TCF7L1: variants seen among roughly 807,000 people sequenced by gnomAD.
TCF7L1 encodes transcription factor 7 like 1, also known as transcription factor 7-like 1.
A neutral mutation model predicts 63.7 loss-of-function variants in TCF7L1; 18 were observed. The ratio of observed to expected loss-of-function variants is 0.28; its 90% CI spans 0.20 to 0.42. The LOEUF is 0.42. Among genes scored for constraint, TCF7L1 ranks in the 10% least tolerant of loss-of-function variants. TCF7L1 has a pLI of 1.00. For missense variants in TCF7L1, 654 were observed against 779.3 expected (o/e 0.84, Z 1.91); for synonymous variants, 355 against 340.9 (o/e 1.04, Z -0.46).
At chr2:85,154,402 G>A (rs1011766302) in intron 3 of TCF7L1, among the ~76,000 whole-genome samples, 1 of 152,152 alleles carries the variant, frequency 6.6e-6, no homozygotes, top group African/African-American at 2.4e-5. Context: ...TAGGTAGAAC[G>A]TGCTGGGCTT....
chr2:85,147,870 C>G (rs1480728416), intron 3 of TCF7L1, among the ~76,000 whole-genome samples: 2 of 152,066 alleles, frequency 1.3e-5, no homozygotes, highest in Non-Finnish European at 1.5e-5. Flanking sequence ...TTTAAATGGG[C>G]TTACATCTGG....
chr2:85,308,457 CTCTCTT>C (rs1558663550), intron 11 of TCF7L1, among the ~76,000 whole-genome samples: 56 of 58,974 alleles, frequency 9.5e-4, no homozygotes, highest in African/African-American at 1.8e-3. Context: ...CTTTCCCTCC[CTCTCTT>C]TCCCTCCCTC....
intron 3 of TCF7L1, chr2:85,234,002 TTATGTA>T (rs1172211473): frequency 1.3e-5 from 2 of 152,158 alleles, no homozygotes; most frequent in African/African-American, 4.8e-5. Context: ...TGTGGGAAGA[TTATGTA>T]TATAACTGTT....
chr2:85,176,977 A>ACT lies in TCF7L1; in HGVS notation c.441+42530_441+42531dup, dbSNP rs1458986928. 2.2e-5 allele frequency among the ~76,000 whole-genome samples: 3 copies of ACT among 133,778 alleles called. No individual in the cohort carries two copies. The South Asian group carries it at 7.4e-4, about 33-fold the overall frequency. 87.8% of individuals were successfully genotyped at this position (133,778 alleles called of 152,430 possible). ...ACTCCAGCCTGGGTGACAGAGCGAG[A>ACT]CTCTGTCTCAAAAAAAAAAAAAAAA... On this transcript the variant is annotated intron_variant, in intron 3 of 11. Coordinates refer to ENST00000282111, the MANE Select transcript of TCF7L1 (RefSeq NM_031283.3).
At chr2:85,150,157 A>G (rs182520890) in intron 3 of TCF7L1, among the ~76,000 whole-genome samples, 6 of 151,700 alleles carry the variant, frequency 4.0e-5, no homozygotes, top group Admixed American at 1.3e-4. Context: ...GATGAGTTCA[A>G]CATCACATCT....
intron 3 of TCF7L1, among the ~76,000 whole-genome samples, chr2:85,225,623 A>T (rs886918980): frequency 1.3e-4 from 20 of 152,244 alleles, no homozygotes; most frequent in African/African-American, 4.1e-4. Flanking sequence ...TTGCACATTG[A>T]TTTTGTATCC....
rs766707230 is a variant in TCF7L1 at position 85,309,370 on chromosome 2, C to T, written c.1675C>T (p.Pro559Ser). The T allele has an allele frequency of 6.2e-7, 1 of 1,606,166 alleles. No homozygotes were observed. Reference protein sequence around the residue: ...GSMPTALLASPPSFPATLHAH... With the variant: ...GSMPTALLASSPSFPATLHAH... ...CATGCCCACAGCTCTGCTGGCCTCT[C>T]CCCCGTCCTTCCCCGCCACGCTCCA... Residue 559 changes from proline to serine, a missense_variant, in exon 12 of 12, where the codon CCC (proline) becomes TCC (serine). By Grantham distance (74) the Pro-to-Ser change is moderately conservative. Around this residue, in one of 3 missense-constraint regions of TCF7L1, gnomAD observed 184 missense variants for 204.0 expected, o/e 0.90. Transcript: ENST00000282111.
chr2:85,164,084 T>C (rs1678354151), intron 3 of TCF7L1, among the ~76,000 whole-genome samples: 1 of 152,140 alleles, frequency 6.6e-6, no homozygotes, highest in African/African-American at 2.4e-5. Context: ...AGCCGGCCAC[T>C]TTGACTGCAG....
chr2:85,304,149 A>C, intron 6 of TCF7L1, 106 bp from the exon 7 acceptor site: 1 of 1,317,630 alleles, frequency 7.6e-7, no homozygotes. Context: ...TCCCAGCATT[A>C]CCTTCCCGCT....
At chr2:85,170,217 G>A (rs1195065026) in intron 3 of TCF7L1, among the ~76,000 whole-genome samples, 1 of 152,108 alleles carries the variant, frequency 6.6e-6, no homozygotes, top group Non-Finnish European at 1.5e-5. Flanking sequence ...TGCTCTGCTG[G>A]GTCATCTTAG....
At chr2:85,242,244 TGG>T (rs75339461) in intron 3 of TCF7L1, among the ~76,000 whole-genome samples, 31,791 of 152,126 alleles carry the variant, frequency 0.21, 3,941 homozygotes, top group Non-Finnish European at 0.29. Flanking sequence ...CTGGCTTCCC[TGG>T]GTCACTTGGC....
rs111785832 is a variant in TCF7L1 at position 85,301,086 on chromosome 2, C to T, written c.526-1398C>T. ...TGAGTCATCGTGCCCGGCCACAAATCTCTTTTAAAAAGAAATCTCTTCTCC... is the reference window on the plus strand; with the variant it reads ...TGAGTCATCGTGCCCGGCCACAAATTTCTTTTAAAAAGAAATCTCTTCTCC... On this transcript the variant is annotated intron_variant, in intron 4 of 11. Transcript: ENST00000282111. Among the ~76,000 whole-genome samples, 30 of 152,174 alleles carry T rather than the reference C, an allele frequency of 2.0e-4. 1 individual carries two copies. The highest frequency in any genetic ancestry group is 6.7e-4 in the African/African-American group (28 of 41,562).
chr2:85,290,632 T>C (rs547968551), intron 4 of TCF7L1, among the ~76,000 whole-genome samples: 8 of 152,054 alleles, frequency 5.3e-5, no homozygotes, highest in African/African-American at 1.9e-4. Flanking sequence ...AAAGTAAAAA[T>C]AAAAAAGATA....
At chr2:85,160,782 G>A (rs1306811559) in intron 3 of TCF7L1, among the ~76,000 whole-genome samples, 2 of 152,156 alleles carry the variant, frequency 1.3e-5, no homozygotes, top group South Asian at 2.1e-4. Flanking sequence ...AGCTTGGGAA[G>A]CAGAGGTTGC....
At chr2:85,290,131 A>G (rs1013518518) in intron 4 of TCF7L1, among the ~76,000 whole-genome samples, 2 of 151,792 alleles carry the variant, frequency 1.3e-5, no homozygotes, top group Non-Finnish European at 2.9e-5. Context: ...GGCGCCTGCC[A>G]CCACACATGG....
At chr2:85,196,987 T>G (rs1679170936) in intron 3 of TCF7L1, among the ~76,000 whole-genome samples, 1 of 152,100 alleles carries the variant, frequency 6.6e-6, no homozygotes, top group East Asian at 1.9e-4. Flanking sequence ...CCATCCAAAC[T>G]CCACGGTTTC....
chr2:85,136,566 G>C (rs1382167804), intron 3 of TCF7L1, among the ~76,000 whole-genome samples: 1 of 152,028 alleles, frequency 6.6e-6, no homozygotes, highest in African/African-American at 2.4e-5. Context: ...AGCCTCCTAG[G>C]ACATGTACTT....
Position 85,134,050 on chromosome 2 carries a change from T to G in TCF7L1, c.284T>G (p.Phe95Cys). 1.2e-6 allele frequency: 2 copies of G among 1,611,016 alleles called. No homozygotes were observed. Among genetic ancestry groups the G allele is most frequent in the Non-Finnish European group, 1.7e-6 (2 of 1,179,206 alleles). Residue 95 changes from phenylalanine to cysteine, a missense_variant, in exon 2 of 12, where the codon TTC becomes TGC. Phe to Cys is a radical substitution (Grantham distance 205). Coordinates refer to ENST00000282111, the MANE Select transcript of TCF7L1 (RefSeq NM_031283.3). This position sits in a 1 kb window ranked among gnomAD's most constrained non-coding sequence, Gnocchi z 5.0. Reference protein sequence around the residue: ...ERRPQPVRDTFQKPRDYFAEV... With the variant: ...ERRPQPVRDTCQKPRDYFAEV... Reference sequence around the variant, plus strand: ...CGCCCGCAGCCCGTCCGGGACACTTTCCAGAAGCCGCGGGACTATTTCGCC... The same window carrying G: ...CGCCCGCAGCCCGTCCGGGACACTTGCCAGAAGCCGCGGGACTATTTCGCC...
rs1224049408 is a variant in TCF7L1 at position 85,219,970 on chromosome 2, C to T, written c.442-63525C>T. Among the ~76,000 whole-genome samples, 8 of 152,090 alleles carry T rather than the reference C, an allele frequency of 5.3e-5. No homozygotes were observed. The South Asian group carries it at 1.0e-3, about 20-fold the overall frequency. ...CATAGGGGAGGGAGGTAAGCAAAGCCAATGTGTGAACATGTTAACGATGAT... is the reference window on the plus strand; with the variant it reads ...CATAGGGGAGGGAGGTAAGCAAAGCTAATGTGTGAACATGTTAACGATGAT... On this transcript the variant is annotated intron_variant, in intron 3 of 11. Coordinates refer to ENST00000282111, the MANE Select transcript of TCF7L1 (RefSeq NM_031283.3).
Sources: allele counts gnomAD v4.1 joint callset (sites outside exome capture counted in the v4.1 genomes callset), GRCh38; gene constraint gnomAD v4.1.1; regional missense constraint gnomAD v4.1.1; non-coding constraint Gnocchi (gnomAD v3.1); transcripts MANE v1.5; gene names NCBI Gene and HGNC (gene_info 2026-07-23, HGNC 2026-07-21).